Variants in HPSE2 observed in about 807,000 individuals in gnomAD.
HPSE2 encodes heparanase 2 (inactive).
HPSE2 carries 38 observed loss-of-function variants against 60.5 expected under a neutral mutation model. The ratio of observed to expected loss-of-function variants is 0.63; its 90% CI spans 0.48 to 0.82. The LOEUF is 0.82. HPSE2 is among the 40% of genes least tolerant of loss of function. The pLI is 0.00. For synonymous variants in HPSE2, 295 were observed against 293.2 expected, an observed-to-expected ratio of 1.01 and a Z score of -0.06; for missense variants, 713 against 740.4, an observed-to-expected ratio of 0.96 and a Z score of 0.43.
chr10:98,978,665 T>C (rs1956140607), intron 3 of HPSE2, among the ~76,000 whole-genome samples: 2 of 152,298 alleles, frequency 1.3e-5, no homozygotes, highest in Non-Finnish European at 2.9e-5. Flanking sequence ...TATTAAAGCA[T>C]GTGACAACTT....
At chr10:98,940,722 A>G (rs1954968173) in intron 3 of HPSE2, among the ~76,000 whole-genome samples, 1 of 142,354 alleles carries the variant, frequency 7.0e-6, no homozygotes, top group African/African-American at 2.9e-5. Context: ...AATCCTCCCT[A>G]ACTCATTTTA....
At chr10:98,905,071 G>C (rs1953772178) in intron 3 of HPSE2, among the ~76,000 whole-genome samples, 1 of 152,076 alleles carries the variant, frequency 6.6e-6, no homozygotes, top group South Asian at 2.1e-4. Context: ...GAGGAAAATA[G>C]AGAACACAGA....
chr10:98,498,953 G>T (rs1204381059), intron 9 of HPSE2, among the ~76,000 whole-genome samples: 5 of 151,962 alleles, frequency 3.3e-5, no homozygotes. Flanking sequence ...CAAAGACAAA[G>T]AAAAAATAAT....
At chr10:98,771,811 A>G (rs1230586576) in intron 3 of HPSE2, among the ~76,000 whole-genome samples, 1 of 152,198 alleles carries the variant, frequency 6.6e-6, no homozygotes, top group East Asian at 1.9e-4. Context: ...GTCTGCAAAA[A>G]GTAATAGCCA....
intron 3 of HPSE2, among the ~76,000 whole-genome samples, chr10:98,953,175 A>C (rs950332384): frequency 2.0e-5 from 3 of 152,208 alleles, no homozygotes; most frequent in Non-Finnish European, 4.4e-5. Flanking sequence ...TTCTGGTAGC[A>C]GGGTAAACCT....
chr10:98,688,113 G>A (rs911753145), intron 6 of HPSE2, among the ~76,000 whole-genome samples: 5 of 151,616 alleles, frequency 3.3e-5, no homozygotes, highest in African/African-American at 1.2e-4. Context: ...ATTTTTAAAG[G>A]GACTGCTGTA....
intron 4 of HPSE2, among the ~76,000 whole-genome samples, chr10:98,743,516 G>A (rs563408426): frequency 2.0e-5 from 3 of 152,296 alleles, no homozygotes; most frequent in African/African-American, 7.2e-5. Context: ...TATTTTAGAA[G>A]GATCATCTTG....
At chr10:99,094,168 G>A (rs1371968939) in intron 3 of HPSE2, among the ~76,000 whole-genome samples, 1 of 151,960 alleles carries the variant, frequency 6.6e-6, no homozygotes, top group African/African-American at 2.4e-5. Flanking sequence ...TTAAAAGAGA[G>A]TTTGGGGGCT....
At chr10:98,809,898 G>A (rs1257102929) in intron 3 of HPSE2, among the ~76,000 whole-genome samples, 1 of 152,100 alleles carries the variant, frequency 6.6e-6, no homozygotes, top group African/African-American at 2.4e-5. Context: ...GTTACTTTCT[G>A]AAAAGGTTTT....
intron 3 of HPSE2, among the ~76,000 whole-genome samples, chr10:98,852,925 C>T (rs561412573): frequency 3.1e-4 from 47 of 152,332 alleles, no homozygotes; most frequent in African/African-American, 1.1e-3. Context: ...GCTAAGAAGT[C>T]ACCTATATGC....
chr10:98,478,380 C>A (rs1305021374), intron 11 of HPSE2, among the ~76,000 whole-genome samples: 1 of 151,920 alleles, frequency 6.6e-6, no homozygotes, highest in Admixed American at 6.6e-5. Context: ...AACACAGGCT[C>A]CAAAAGTGAA....
intron 9 of HPSE2, among the ~76,000 whole-genome samples, chr10:98,522,476 T>G (rs962290321): frequency 1.3e-5 from 2 of 151,940 alleles, no homozygotes; most frequent in African/African-American, 4.8e-5. Flanking sequence ...CTTTTTTTTG[T>G]TTGTTTTTTG....
the HPSE2 span, among the ~76,000 whole-genome samples, chr10:99,263,096 C>A: frequency 1.3e-5 from 2 of 152,162 alleles, no homozygotes. Flanking sequence ...ACACCTGACC[C>A]CCATGACTGT....
At chr10:99,139,467 ATAAAC>A (rs1845785255) in intron 3 of HPSE2, among the ~76,000 whole-genome samples, 1 of 151,898 alleles carries the variant, frequency 6.6e-6, no homozygotes, top group Non-Finnish European at 1.5e-5. Flanking sequence ...AAATTAATGA[ATAAAC>A]AAAACTAAAA....
intron 9 of HPSE2, among the ~76,000 whole-genome samples, chr10:98,563,329 T>C (rs995207856): frequency 1.3e-5 from 2 of 152,132 alleles, no homozygotes; most frequent in Non-Finnish European, 2.9e-5. Context: ...CCATATCTTG[T>C]ATGATTTAAT....
At chr10:98,648,157 C>T (rs1485083082) in intron 6 of HPSE2, among the ~76,000 whole-genome samples, 2 of 152,196 alleles carry the variant, frequency 1.3e-5, no homozygotes, top group Admixed American at 1.3e-4. Flanking sequence ...TAACTCTTTG[C>T]ACACTTTGGG....
At chr10:99,266,470 C>T in the HPSE2 span, among the ~76,000 whole-genome samples, 1 of 152,072 alleles carries the variant, frequency 6.6e-6, no homozygotes, top group Admixed American at 6.6e-5. Flanking sequence ...ACACACCCAT[C>T]CCCCACAGCA....
chr10:99,057,447 A>G (rs901689643), intron 3 of HPSE2, among the ~76,000 whole-genome samples: 1 of 152,188 alleles, frequency 6.6e-6, no homozygotes, highest in African/African-American at 2.4e-5. Flanking sequence ...AATATACACA[A>G]AAGGAGGGTA....
chr10:99,021,905 A>ATTT (rs574463129), intron 3 of HPSE2, among the ~76,000 whole-genome samples: 15 of 151,392 alleles, frequency 9.9e-5, no homozygotes, highest in Non-Finnish European at 2.1e-4. Flanking sequence ...TATTATTATT[A>ATTT]TTATACTTTA....
Sources: gnomAD v4.1 joint callset for allele counts (sites outside exome capture counted in the v4.1 genomes callset) on GRCh38, gnomAD v4.1.1 for gene constraint, MANE v1.5 for transcripts, NCBI Gene and HGNC (gene_info 2026-07-23, HGNC 2026-07-21) for gene names.